SOX6: variants seen among roughly 807,000 people sequenced by gnomAD.
SOX6 encodes transcription factor SOX-6.
Under a neutral mutation model 97.8 loss-of-function variants are expected in SOX6, and 11 were observed. The observed-to-expected ratio is 0.11, with a 90% CI of 0.07 to 0.19. The LOEUF (loss-of-function observed/expected upper bound fraction) is 0.19, where lower values mean the gene tolerates loss of function less well. Among genes scored for constraint, SOX6 ranks in the 10% least tolerant of loss-of-function variants. The probability of loss-of-function intolerance (pLI) is 1.00; values close to 1 mark genes in which losing one functional copy is unlikely to be tolerated. For missense variants in SOX6, 810 were observed against 1,039.5 expected (o/e 0.78, Z 3.04); for synonymous variants, 360 against 371.4 (o/e 0.97, Z 0.35).
intron 4 of SOX6, among the ~76,000 whole-genome samples, chr11:16,506,653 C>T (rs1860792894): frequency 1.3e-5 from 2 of 152,156 alleles, no homozygotes; most frequent in Non-Finnish European, 2.9e-5. Context: ...AATCTCATGT[C>T]GAATTGTACT....
In SOX6 at chr11:16,029,339, A is replaced by C. The variant is rs1034166537; in HGVS notation, c.1624-14289T>G. Among the ~76,000 whole-genome samples the C allele has an allele frequency of 2.0e-5, 3 of 152,162 alleles. No homozygotes were observed. The East Asian group carries it at 5.8e-4, about 29-fold the overall frequency. The stretch of plus-strand genomic sequence containing the variant: ...ACCGAGAGACAGTTCCTTCAGTCCT[A>C]AAGATTGTCTAATGAGGGCCGGGCG... On this transcript the variant is annotated intron_variant, in intron 12 of 15. Transcript: ENST00000683767.
At chr11:16,068,846 G>T (rs1323908746) in intron 9 of SOX6, among the ~76,000 whole-genome samples, 1 of 152,112 alleles carries the variant, frequency 6.6e-6, no homozygotes, top group African/African-American at 2.4e-5. Flanking sequence ...GCAAATTATG[G>T]AATTTCTTTT....
intron 3 of SOX6, among the ~76,000 whole-genome samples, chr11:16,647,021 C>G (rs1000433795): frequency 6.6e-6 from 1 of 152,176 alleles, no homozygotes; most frequent in Non-Finnish European, 1.5e-5. Context: ...TAAGTGTTCC[C>G]TTCTCACTGC....
intron 1 of SOX6, among the ~76,000 whole-genome samples, chr11:16,430,386 T>C (rs1859250154): frequency 6.6e-6 from 1 of 152,212 alleles, no homozygotes; most frequent in African/African-American, 2.4e-5. Context: ...ATCTTTTATC[T>C]GGATTACTGC....
intron 4 of SOX6, among the ~76,000 whole-genome samples, chr11:16,529,381 T>C (rs74839770): frequency 0.014 from 2,141 of 152,204 alleles, 43 homozygotes; most frequent in East Asian, 0.052. Context: ...TTAAGTCTTG[T>C]ATAAGCATTC....
intron 13 of SOX6, among the ~76,000 whole-genome samples, chr11:16,003,245 A>G (rs1854454046): frequency 6.6e-6 from 1 of 151,784 alleles, no homozygotes; most frequent in Non-Finnish European, 1.5e-5. Flanking sequence ...ACACTGAACT[A>G]TTTCCAGTTC....
intron 3 of SOX6, among the ~76,000 whole-genome samples, chr11:16,638,748 C>T (rs1489825993): frequency 6.6e-6 from 1 of 152,064 alleles, no homozygotes; most frequent in African/African-American, 2.4e-5. Context: ...TATCTTTCAC[C>T]CACTTGTTGA....
At chr11:16,132,401 A>AGAAAGAAAAAAAGAAAG (rs34012369) in intron 6 of SOX6, among the ~76,000 whole-genome samples, 3 of 43,844 alleles carry the variant, frequency 6.8e-5, no homozygotes, top group Admixed American at 2.5e-4. Context: ...AAAGAAAGAA[A>AGAAAGAAAAAAAGAAAG]AAAGAAAGAA....
At chr11:16,298,763 T>C in intron 3 of SOX6, among the ~76,000 whole-genome samples, 1 of 152,130 alleles carries the variant, frequency 6.6e-6, no homozygotes. Flanking sequence ...CTTATGTTCT[T>C]ATTATTCGTT....
At chr11:16,520,886 A>C (rs1036010796) in intron 4 of SOX6, among the ~76,000 whole-genome samples, 1 of 152,242 alleles carries the variant, frequency 6.6e-6, no homozygotes, top group Non-Finnish European at 1.5e-5. Context: ...CTAGCACAGC[A>C]GTGTGAGATC....
intron 6 of SOX6, among the ~76,000 whole-genome samples, chr11:16,146,746 G>GA (rs1850315380): frequency 6.6e-6 from 1 of 152,142 alleles, no homozygotes; most frequent in Non-Finnish European, 1.5e-5. Context: ...ACAGACACAT[G>GA]AAAAAATGCT....
In SOX6 at chr11:16,340,890, A is replaced by C. The variant is rs1856607941; in HGVS notation, c.237+122T>G. On this transcript the variant is annotated intron_variant, in intron 2 of 15. Coordinates refer to ENST00000683767, the MANE Select transcript of SOX6 (RefSeq NM_001367873.1). Reference sequence around the variant, plus strand: ...AGTATCTTAGTAATATGTACCTGGTAGTTGTTTCATGATCTACACAAAAAT... The same window carrying C: ...AGTATCTTAGTAATATGTACCTGGTCGTTGTTTCATGATCTACACAAAAAT... 6 of 1,340,380 alleles carry C rather than the reference A, an allele frequency of 4.5e-6. No individual in the cohort carries two copies. In the South Asian group the frequency reaches 7.5e-5, roughly 17 times the overall value. The allele number at this position is 1,340,380 out of a possible 1,614,324, so 83.0% of individuals were successfully genotyped here. A position where few individuals can be genotyped will look rare whatever the true frequency, so the allele number is the denominator to read the frequency against.
chr11:16,687,992 A>C (rs1277539179), intron 3 of SOX6, among the ~76,000 whole-genome samples: 1 of 151,160 alleles, frequency 6.6e-6, no homozygotes, highest in African/African-American at 2.4e-5. Context: ...ATTTTTTTTG[A>C]CACAGGGTCT....
intron 6 of SOX6, among the ~76,000 whole-genome samples, chr11:16,150,091 G>A (rs1159934754): frequency 6.6e-6 from 1 of 152,158 alleles, no homozygotes; most frequent in Non-Finnish European, 1.5e-5. Flanking sequence ...GTATATTGAG[G>A]CTAGAGATAC....
At chr11:16,338,756 T>C (rs974886026) in intron 2 of SOX6, among the ~76,000 whole-genome samples, 3 of 152,028 alleles carry the variant, frequency 2.0e-5, no homozygotes, top group Non-Finnish European at 4.4e-5. Flanking sequence ...TACATTAATA[T>C]TTAACTTATT....
intron 4 of SOX6, among the ~76,000 whole-genome samples, chr11:16,532,160 G>A (rs538316194): frequency 2.6e-5 from 4 of 151,762 alleles, no homozygotes; most frequent in Non-Finnish European, 5.9e-5. Flanking sequence ...TTTGTAACAT[G>A]CTTCTCATTT....
intron 6 of SOX6, among the ~76,000 whole-genome samples, chr11:16,174,034 C>CTTTTT (rs76988026): frequency 1.5e-5 from 2 of 132,018 alleles, no homozygotes; most frequent in African/African-American, 5.5e-5. Context: ...TCCTTTGTTT[C>CTTTTT]TTTTTTTTTT....
At chr11:16,736,238 C>T (rs1187349611) in intron 2 of SOX6, 1 of 152,202 alleles carries the variant, frequency 6.6e-6, no homozygotes, top group Non-Finnish European at 1.5e-5. Context: ...TTGTTTCACT[C>T]ATGATAGTGT....
At position 16,599,565 on chromosome 11, in the gene SOX6, T is replaced by C. The variant is rs187953929; in HGVS notation, n.609+12516A>G. Among the ~76,000 whole-genome samples the C allele has an allele frequency of 3.0e-3, 462 of 152,248 alleles. 2 individuals are homozygous for C. The highest frequency in any genetic ancestry group is 0.01 in the Middle Eastern group (3 of 294). On this transcript the variant is annotated intron_variant and non_coding_transcript_variant, in intron 4 of 5. Coordinates refer to the SOX6 transcript ENST00000524520. ...TCAATTGATTGTTGTTCACTTGAAG[T>C]ATCATGAAAGAGAATGCCACTACAC... is the stretch of plus-strand genomic sequence containing the variant.
Sources: gnomAD v4.1 joint callset for allele counts (sites outside exome capture counted in the v4.1 genomes callset) on GRCh38, gnomAD v4.1.1 for gene constraint, MANE v1.5 for transcripts, NCBI Gene and HGNC (gene_info 2026-07-23, HGNC 2026-07-21) for gene names.